TMOD3: variants seen among roughly 807,000 people sequenced by gnomAD.
TMOD3 encodes tropomodulin-3.
A neutral mutation model predicts 39.2 loss-of-function variants in TMOD3; 20 were observed. The observed-to-expected ratio is 0.51, with a 90% confidence interval of 0.36 to 0.74. The LOEUF is 0.74. Ranked by LOEUF, TMOD3 falls within the 30% of genes least tolerant of loss-of-function variation. TMOD3 has a pLI of 0.00. For synonymous variants in TMOD3, 143 were observed against 145.8 expected (o/e 0.98, Z 0.14); for missense variants, 381 against 412.8 (o/e 0.92, Z 0.67).
chr15:51,880,249 A>T (rs2056526153), intron 3 of TMOD3, among the ~76,000 whole-genome samples: 1 of 152,162 alleles, frequency 6.6e-6, no homozygotes, highest in East Asian at 1.9e-4. Context: ...CAGGGAACCA[A>T]ATATAAATTT....
intron 1 of TMOD3, among the ~76,000 whole-genome samples, chr15:51,842,011 A>C (rs547455041): frequency 6.6e-6 from 1 of 152,154 alleles, no homozygotes; most frequent in Non-Finnish European, 1.5e-5. Context: ...CCTGACCTCA[A>C]GTGATCCACC....
chr15:51,888,516 A>G (rs1266055310), intron 4 of TMOD3, among the ~76,000 whole-genome samples: 1 of 152,228 alleles, frequency 6.6e-6, no homozygotes, highest in Non-Finnish European at 1.5e-5. Flanking sequence ...CAAGGGCATC[A>G]AAAACTAAAA....
At position 51,901,827 on chromosome 15, in the gene TMOD3, A is replaced by C. The variant is rs367562541; in HGVS notation, c.880-65A>C. The C allele has an allele frequency of 7.2e-6, 11 of 1,520,562 alleles. No homozygotes were observed. The South Asian group carries it at 7.3e-5, about 10-fold the overall frequency. The allele number at this position is 1,520,562 out of a possible 1,614,324, so 94.2% of individuals were successfully genotyped here. ...GAATTAGCATGTGCCTGAATGTCTT[A>C]ATTTACCTTGAAAAGTATTTTGATC... is the stretch of plus-strand genomic sequence containing the variant. On this transcript the variant is annotated intron_variant, in intron 8 of 9. Coordinates refer to ENST00000308580, the MANE Select transcript of TMOD3 (RefSeq NM_014547.5).
rs529352002 is a variant in TMOD3 at position 51,873,110 on chromosome 15, C to T, written c.283+3737C>T. Among the ~76,000 whole-genome samples the T allele has an allele frequency of 2.3e-4, 35 of 152,282 alleles. No individual in the cohort carries two copies. The South Asian group carries it at 6.6e-3, about 29-fold the overall frequency. On this transcript the variant is annotated intron_variant, in intron 3 of 9. Coordinates refer to ENST00000308580, the MANE Select transcript of TMOD3 (RefSeq NM_014547.5). The stretch of plus-strand genomic sequence containing the variant: ...GACTCTCATCTTTAAAGCAGTTAGC[C>T]TTAGTTATCCTTAGTCACGAATATG...
At chr15:51,873,602 GC>G (rs2056487058) in intron 3 of TMOD3, among the ~76,000 whole-genome samples, 1 of 152,168 alleles carries the variant, frequency 6.6e-6, no homozygotes. Context: ...GAATGTTGTA[GC>G]AGTGTCATTC....
rs189039232 is a variant in TMOD3 at position 51,871,738 on chromosome 15, A to G, written c.283+2365A>G. On this transcript the variant is annotated intron_variant, in intron 3 of 9. Transcript: ENST00000308580. ...GATAGAGGTGAGGAATATGGGTGAC[A>G]TAGGAAAAAGTGCTGTATCCTCAAC... 2.4e-4 allele frequency among the ~76,000 whole-genome samples: 36 copies of G among 152,320 alleles called. No individual in the cohort carries two copies. The East Asian group carries it at 5.0e-3, about 21-fold the overall frequency.
At chr15:51,845,074 G>A (rs916791682) in intron 1 of TMOD3, among the ~76,000 whole-genome samples, 1 of 152,122 alleles carries the variant, frequency 6.6e-6, no homozygotes, top group African/African-American at 2.4e-5. Flanking sequence ...TGGCAGTGAT[G>A]AGGGCAAGTC....
At chr15:51,845,209 G>A (rs1242795739) in intron 1 of TMOD3, among the ~76,000 whole-genome samples, 1 of 152,134 alleles carries the variant, frequency 6.6e-6, no homozygotes, top group Non-Finnish European at 1.5e-5. Flanking sequence ...CCTTTGCCAA[G>A]TCTCATCTAC....
chr15:51,857,550 G>C (rs991554635), intron 1 of TMOD3, among the ~76,000 whole-genome samples: 1 of 151,944 alleles, frequency 6.6e-6, no homozygotes, highest in African/African-American at 2.4e-5. Flanking sequence ...CATTCCTATC[G>C]TATTGCCTAT....
At chr15:51,854,769 A>G (rs968119787) in intron 1 of TMOD3, among the ~76,000 whole-genome samples, 1 of 152,230 alleles carries the variant, frequency 6.6e-6, no homozygotes. Flanking sequence ...AAATATGGCA[A>G]CTGAAATCCC....
At chr15:51,883,030 A>G (rs190731262) in intron 3 of TMOD3, among the ~76,000 whole-genome samples, 4 of 152,362 alleles carry the variant, frequency 2.6e-5, no homozygotes, top group Admixed American at 1.3e-4. Context: ...TTAGTGTTCA[A>G]CTAACCTGGA....
chr15:51,891,862 TCTG>T (rs1456747556), intron 5 of TMOD3, among the ~76,000 whole-genome samples: 1 of 152,216 alleles, frequency 6.6e-6, no homozygotes, highest in Admixed American at 6.5e-5. Flanking sequence ...TGAACCAAGT[TCTG>T]CTTCTTGGCA....
At chr15:51,869,734 T>G (rs879918648) in intron 3 of TMOD3, among the ~76,000 whole-genome samples, 1 of 152,228 alleles carries the variant, frequency 6.6e-6, no homozygotes, top group Non-Finnish European at 1.5e-5. Flanking sequence ...TAAAGTGGAA[T>G]GCCATAAAAC....
At position 51,896,465 on chromosome 15, in the gene TMOD3, C is replaced by A; in HGVS notation, c.674C>A (p.Thr225Asn). ...TLKDFAKALETNTHVKCFSLA... is the reference protein window; with the variant it reads ...TLKDFAKALENNTHVKCFSLA... ...AAAGATTTTGCAAAGGCTTTGGAAA[C>A]CAACACACATGTGAAATGTTTCAGT... is the stretch of plus-strand genomic sequence containing the variant. The change falls in exon 7 of 10, where the codon ACC becomes AAC. Residue 225 changes from threonine (T) to asparagine (N), a missense_variant. Transcript: ENST00000308580. 3 of 1,613,684 alleles carry A rather than the reference C, an allele frequency of 1.9e-6. No homozygotes were observed. The highest frequency in any genetic ancestry group is 2.5e-6 in the Non-Finnish European group (3 of 1,179,678).
At chr15:51,878,305 G>A (rs931929383) in intron 3 of TMOD3, among the ~76,000 whole-genome samples, 1 of 152,108 alleles carries the variant, frequency 6.6e-6, no homozygotes, top group Admixed American at 6.5e-5. Flanking sequence ...GCTGAGGCAG[G>A]AGGATTGCTT....
At chr15:51,890,650 C>T (rs945389199) in intron 5 of TMOD3, among the ~76,000 whole-genome samples, 2 of 152,156 alleles carry the variant, frequency 1.3e-5, no homozygotes, top group African/African-American at 4.8e-5. Context: ...TACACAAAGT[C>T]AGTGGTAAGG....
chr15:51,858,738 A>T (rs899427559), intron 1 of TMOD3, among the ~76,000 whole-genome samples: 9 of 152,224 alleles, frequency 5.9e-5, no homozygotes, highest in African/African-American at 2.2e-4. Flanking sequence ...TAGATTAGAG[A>T]TACTCATACT....
At chr15:51,839,202 C>G (rs1269262192) in intron 1 of TMOD3, among the ~76,000 whole-genome samples, 2 of 104,926 alleles carry the variant, frequency 1.9e-5, no homozygotes, top group East Asian at 5.5e-4. Flanking sequence ...GACTGGGTCT[C>G]ACTCTGTTGC....
rs111247828 is a variant in TMOD3, at chr15:51,849,022, C to T, written c.-74-13789C>T. On this transcript the variant is annotated intron_variant, in intron 1 of 9. Transcript: ENST00000308580. The stretch of plus-strand genomic sequence containing the variant: ...AGGAGTGTTTATTGGAGTATGTTCC[C>T]GATCAGCTTCTTTCGGAAGTTGGGA... 2.0e-3 allele frequency among the ~76,000 whole-genome samples: 311 copies of T among 152,208 alleles called. 1 individual carries two copies. The highest frequency in any genetic ancestry group is 6.8e-3 in the Middle Eastern group (2 of 294).
Sources: allele counts gnomAD v4.1 joint callset (sites outside exome capture counted in the v4.1 genomes callset), GRCh38; gene constraint gnomAD v4.1.1; transcripts MANE v1.5; gene names NCBI Gene and HGNC (gene_info 2026-07-23, HGNC 2026-07-21).